ARHGAP15: variants seen among roughly 807,000 people sequenced by gnomAD.
ARHGAP15 encodes rho GTPase-activating protein 15.
ARHGAP15 carries 51 observed loss-of-function variants against 63.7 expected under a neutral mutation model. The ratio of observed to expected loss-of-function variants is 0.80; its 90% CI spans 0.64 to 1.01. The LOEUF (loss-of-function observed/expected upper bound fraction) is 1.01, where lower values mean the gene tolerates loss of function less well. Ranked by LOEUF, ARHGAP15 falls within the 50% of genes least tolerant of loss-of-function variation. The pLI is 0.00. For missense variants in ARHGAP15, 560 were observed against 564.6 expected (o/e 0.99, Z 0.08); for synonymous variants, 191 against 193.8 (o/e 0.99, Z 0.12).
chr2:143,452,733 G>C (rs1187513834), intron 8 of ARHGAP15, among the ~76,000 whole-genome samples: 1 of 150,754 alleles, frequency 6.6e-6, no homozygotes, highest in Non-Finnish European at 1.5e-5. Context: ...GAGAGTAGGA[G>C]GGAAAGCCAA....
intron 11 of ARHGAP15, chr2:143,608,413 G>C (rs1698121880): frequency 6.6e-6 from 1 of 152,134 alleles, no homozygotes; most frequent in African/African-American, 2.4e-5. Context: ...TCAGTAAGCA[G>C]AACCAGTTTG....
At chr2:143,150,972 C>A (rs1574013787) in intron 1 of ARHGAP15, among the ~76,000 whole-genome samples, 1 of 151,904 alleles carries the variant, frequency 6.6e-6, no homozygotes, top group Non-Finnish European at 1.5e-5. Context: ...TTACAATCTA[C>A]CAAATCTAGA....
intron 10 of ARHGAP15, among the ~76,000 whole-genome samples, chr2:143,531,069 AC>A (rs1471712658): frequency 6.6e-6 from 1 of 151,654 alleles, no homozygotes; most frequent in Non-Finnish European, 1.5e-5. Flanking sequence ...AACCTTTTTC[AC>A]AGAGACTACA....
intron 12 of ARHGAP15, among the ~76,000 whole-genome samples, chr2:143,684,206 C>T (rs532933925): frequency 9.2e-5 from 14 of 152,224 alleles, no homozygotes; most frequent in African/African-American, 3.1e-4. Flanking sequence ...TGGACAGAAT[C>T]GTTAACACAA....
At chr2:143,761,014 A>G (rs940418737) in intron 13 of ARHGAP15, among the ~76,000 whole-genome samples, 1 of 152,164 alleles carries the variant, frequency 6.6e-6, no homozygotes, top group African/African-American at 2.4e-5. Flanking sequence ...ATACTTGAGA[A>G]TGTTTCTGGC....
intron 12 of ARHGAP15, among the ~76,000 whole-genome samples, chr2:143,660,369 T>G (rs1445662928): frequency 1.3e-5 from 2 of 152,186 alleles, no homozygotes; most frequent in Non-Finnish European, 1.5e-5. Flanking sequence ...CGATACTGCT[T>G]TCAAGCAGAT....
chr2:143,330,118 AAAAAAAAAAAAAAC>A (rs1684463740), intron 6 of ARHGAP15, among the ~76,000 whole-genome samples: 31 of 60,626 alleles, frequency 5.1e-4, no homozygotes, highest in African/African-American at 8.4e-4. Context: ...AAAAAAAAAA[AAAAAAAAAAAAAAC>A]CAAAAACAAA....
chr2:143,583,318 T>C (rs1696983558), intron 11 of ARHGAP15, among the ~76,000 whole-genome samples: 1 of 152,206 alleles, frequency 6.6e-6, no homozygotes, highest in African/African-American at 2.4e-5. Flanking sequence ...ATATGTTACA[T>C]ATTATTTAAA....
intron 2 of ARHGAP15, among the ~76,000 whole-genome samples, chr2:143,194,339 T>G (rs1691799693): frequency 6.6e-6 from 1 of 152,220 alleles, no homozygotes; most frequent in African/African-American, 2.4e-5. Flanking sequence ...TTTGTTTATA[T>G]CAAGAGAGTA....
intron 1 of ARHGAP15, among the ~76,000 whole-genome samples, chr2:143,129,981 C>T (rs1025524963): frequency 6.6e-6 from 1 of 151,984 alleles, no homozygotes; most frequent in Non-Finnish European, 1.5e-5. Flanking sequence ...AAGCAAGGAG[C>T]TTTTAAAATG....
At chr2:143,585,669 T>A (rs1385010197) in intron 11 of ARHGAP15, among the ~76,000 whole-genome samples, 1 of 152,222 alleles carries the variant, frequency 6.6e-6, no homozygotes, top group East Asian at 1.9e-4. Flanking sequence ...AAGAAGTGTT[T>A]TTAATAAAAA....
intron 6 of ARHGAP15, among the ~76,000 whole-genome samples, chr2:143,363,407 G>T (rs1242342274): frequency 6.6e-6 from 1 of 152,072 alleles, no homozygotes; most frequent in Non-Finnish European, 1.5e-5. Context: ...TGGGCTTGGA[G>T]TTGCTTGAAC....
At chr2:143,732,821 T>C (rs1685591901) in intron 13 of ARHGAP15, among the ~76,000 whole-genome samples, 1 of 151,898 alleles carries the variant, frequency 6.6e-6, no homozygotes. Flanking sequence ...GAGATGAGGG[T>C]TGACTAAAAG....
intron 6 of ARHGAP15, among the ~76,000 whole-genome samples, chr2:143,379,175 A>C (rs1686945521): frequency 6.6e-6 from 1 of 151,972 alleles, no homozygotes; most frequent in East Asian, 1.9e-4. Context: ...TTCCATGTAC[A>C]TGACTAAACT....
chr2:143,346,248 A>ACTCTCT (rs1365106806), intron 6 of ARHGAP15, among the ~76,000 whole-genome samples: 1 of 135,256 alleles, frequency 7.4e-6, no homozygotes. Flanking sequence ...ACACACACAC[A>ACTCTCT]CTCACACACA....
intron 6 of ARHGAP15, among the ~76,000 whole-genome samples, chr2:143,288,573 A>G (rs1171523493): frequency 1.3e-5 from 2 of 151,292 alleles, no homozygotes; most frequent in Non-Finnish European, 2.9e-5. Context: ...GTACATTTTC[A>G]TCCACAAGAA....
chr2:143,470,963 A>G (rs562145702), intron 8 of ARHGAP15, among the ~76,000 whole-genome samples: 14 of 148,032 alleles, frequency 9.5e-5, no homozygotes, highest in South Asian at 2.1e-4. Flanking sequence ...TGTGTATCAT[A>G]TGTGTGTACA....
intron 13 of ARHGAP15, among the ~76,000 whole-genome samples, chr2:143,730,611 T>A (rs1276518501): frequency 6.6e-6 from 1 of 152,038 alleles, no homozygotes; most frequent in Non-Finnish European, 1.5e-5. Flanking sequence ...CAGCTAGAAA[T>A]AGAGTTCAAA....
intron 5 of ARHGAP15, among the ~76,000 whole-genome samples, chr2:143,243,302 T>C (rs1039168317): frequency 6.6e-6 from 1 of 152,184 alleles, no homozygotes; most frequent in Non-Finnish European, 1.5e-5. Context: ...ATGGTGAAGA[T>C]AGACGAAGAG....
Sources: allele counts gnomAD v4.1 joint callset (sites outside exome capture counted in the v4.1 genomes callset), GRCh38; gene constraint gnomAD v4.1.1; transcripts MANE v1.5; gene names NCBI Gene and HGNC (gene_info 2026-07-23, HGNC 2026-07-21).